The following CEP192 variants were observed in gnomAD, a reference collection of about 807,000 sequenced individuals.
The protein encoded by CEP192 is centrosomal protein of 192 kDa.
Under a neutral mutation model 271.8 loss-of-function variants are expected in CEP192, and 151 were observed. The observed-to-expected ratio is 0.56, with a 90% CI of 0.49 to 0.64. The LOEUF is 0.64. Among genes scored for constraint, CEP192 ranks in the 30% least tolerant of loss-of-function variants. The pLI is 0.00. For missense variants in CEP192, 2,910 were observed against 3,020.5 expected, an observed-to-expected ratio of 0.96 and a Z score of 0.86; for synonymous variants, 995 against 1,076.5, an observed-to-expected ratio of 0.92 and a Z score of 1.48.
intron 11 of CEP192, among the ~76,000 whole-genome samples, chr18:13,033,009 G>A (rs1227921260): frequency 6.6e-6 from 1 of 152,224 alleles, no homozygotes; most frequent in Non-Finnish European, 1.5e-5. Context: ...CATGTGGATG[G>A]GCAGGTAGCA....
At chr18:13,035,393 G>T (rs2035862780) in intron 11 of CEP192, among the ~76,000 whole-genome samples, 1 of 152,152 alleles carries the variant, frequency 6.6e-6, no homozygotes, top group African/African-American at 2.4e-5. Flanking sequence ...GGAGGCAAAA[G>T]GCACCTCTTA....
intron 11 of CEP192, among the ~76,000 whole-genome samples, chr18:13,033,334 A>C (rs1180663281): frequency 6.6e-6 from 1 of 152,120 alleles, no homozygotes; most frequent in Non-Finnish European, 1.5e-5. Context: ...AAAAATGTTC[A>C]TTTTTAATCA....
chr18:13,046,055 A>C (rs983315337), intron 15 of CEP192, among the ~76,000 whole-genome samples: 12 of 152,172 alleles, frequency 7.9e-5, no homozygotes, highest in Admixed American at 5.9e-4. Flanking sequence ...ATTTATAAAG[A>C]AAAGAGGTTT....
At chr18:13,119,658 C>T (rs34665284) in intron 44 of CEP192, among the ~76,000 whole-genome samples, 3,048 of 152,260 alleles carry the variant, frequency 0.02, 53 homozygotes, top group Non-Finnish European at 0.027. Context: ...AGGAGAATCC[C>T]TTGAACCTGG....
chr18:13,054,001 A>G (rs1036813522), intron 18 of CEP192, among the ~76,000 whole-genome samples: 2 of 152,132 alleles, frequency 1.3e-5, no homozygotes, highest in Non-Finnish European at 2.9e-5. Context: ...TAATTAAAAC[A>G]AATTTTTTTA....
intron 21 of CEP192, among the ~76,000 whole-genome samples, chr18:13,061,018 C>T (rs1432777425): frequency 1.3e-5 from 2 of 152,188 alleles, no homozygotes; most frequent in Non-Finnish European, 2.9e-5. Flanking sequence ...CTGATTTCCT[C>T]CTAAAGTTAA....
chr18:13,000,898 A>G (rs2033602547), intron 2 of CEP192, among the ~76,000 whole-genome samples: 1 of 152,210 alleles, frequency 6.6e-6, no homozygotes, highest in Non-Finnish European at 1.5e-5. Flanking sequence ...GATTGCAGTG[A>G]CCTGAGATTG....
At chr18:13,080,237 AT>A (rs1429935977) in intron 30 of CEP192, among the ~76,000 whole-genome samples, 1 of 152,086 alleles carries the variant, frequency 6.6e-6, no homozygotes, top group Non-Finnish European at 1.5e-5. Flanking sequence ...CAGTGTGGCC[AT>A]TTTCACGATA....
At position 13,092,574 on chromosome 18, in the gene CEP192, G is replaced by C. The variant is rs759326230; in HGVS notation, c.6254+47G>C. The C allele has an allele frequency of 2.9e-6, 4 of 1,391,436 alleles. No individual in the cohort carries two copies. The African/African-American group carries it at 5.9e-5, about 21-fold the overall frequency. The allele number at this position is 1,391,436 out of a possible 1,614,324, so 86.2% of individuals were successfully genotyped here. A position where few individuals can be genotyped will look rare whatever the true frequency, so the allele number is the denominator to read the frequency against. On this transcript the variant is annotated intron_variant, in intron 34 of 44. Transcript: ENST00000506447. The stretch of plus-strand genomic sequence containing the variant: ...CTTTCACCAGATTTCAGGATGATTC[G>C]ATTCATAGCAAAGCTGATCTTTTTT...
intron 34 of CEP192, among the ~76,000 whole-genome samples, chr18:13,094,433 G>A (rs1054876663): frequency 6.6e-6 from 1 of 152,192 alleles, no homozygotes; most frequent in African/African-American, 2.4e-5. Flanking sequence ...TATTGGAGTG[G>A]ACTCTGGGTG....
At chr18:13,033,036 G>A in intron 11 of CEP192, among the ~76,000 whole-genome samples, 1 of 152,220 alleles carries the variant, frequency 6.6e-6, no homozygotes, top group East Asian at 1.9e-4. Flanking sequence ...GCAGGCTCGG[G>A]TGGTTTGGGT....
intron 40 of CEP192, among the ~76,000 whole-genome samples, chr18:13,107,179 A>G (rs565103316): frequency 7.9e-4 from 120 of 152,306 alleles, no homozygotes; most frequent in African/African-American, 2.7e-3. Flanking sequence ...AGGTCATACA[A>G]TCAGGTAGCA....
chr18:12,998,424 C>A (rs1264488795), intron 1 of CEP192, among the ~76,000 whole-genome samples: 1 of 152,194 alleles, frequency 6.6e-6, no homozygotes, highest in Non-Finnish European at 1.5e-5. Context: ...GGGTTTGAAT[C>A]TTACTAATTG....
intron 9 of CEP192, among the ~76,000 whole-genome samples, chr18:13,023,448 A>G (rs556552527): frequency 1.4e-4 from 21 of 147,878 alleles, no homozygotes; most frequent in Admixed American, 1.0e-3. Context: ...GGGAATTTTT[A>G]TCATGAATGG....
Position 13,048,858 on chromosome 18 carries a change from G to T in CEP192, c.2068-1G>T. On this transcript the variant is annotated splice_acceptor_variant, in intron 15 of 44. Coordinates refer to ENST00000506447, the MANE Select transcript of CEP192 (RefSeq NM_032142.4). LOFTEE classifies it high-confidence loss of function. Reference sequence around the variant, plus strand: ...CTGATGTTTAATTTTCTCACTTCTAGGACACTTTCTTCATGAGCAACAAAC... The same window carrying T: ...CTGATGTTTAATTTTCTCACTTCTATGACACTTTCTTCATGAGCAACAAAC... The T allele has an allele frequency of 6.3e-7, 1 of 1,585,036 alleles. No individual in the cohort carries two copies. Among genetic ancestry groups the T allele is most frequent in the South Asian group, 1.1e-5 (1 of 87,964 alleles).
rs193078521 is a variant in CEP192 at position 13,020,102 on chromosome 18, C to T, written c.1050+896C>T. Reference sequence around the variant, plus strand: ...CTGGGATTACAGGAGTGAGCCACCACACCCAGCTACTATCTTAATCATTTT... The same window carrying T: ...CTGGGATTACAGGAGTGAGCCACCATACCCAGCTACTATCTTAATCATTTT... On this transcript the variant is annotated intron_variant, in intron 9 of 44. Transcript: ENST00000506447. Among the ~76,000 whole-genome samples, 104 of 152,300 alleles carry T rather than the reference C, an allele frequency of 6.8e-4. 2 individuals are homozygous for T. Among genetic ancestry groups the T allele is most frequent in the African/African-American group, 2.0e-3 (83 of 41,560 alleles).
chr18:13,103,813 C>T lies in CEP192; in HGVS notation c.6951+225C>T. 4 of 601,684 alleles carry T rather than the reference C, an allele frequency of 6.6e-6. No individual in the cohort carries two copies. In the Middle Eastern group the frequency reaches 8.9e-4, roughly 133 times the overall value. 37.3% of individuals were successfully genotyped at this position (601,684 alleles called of 1,614,324 possible). ...TCAAGCAATCCCCTGCCTTAGCCTC[C>T]CATGTGGCTGGGACCACAGGTGTGC... On this transcript the variant is annotated intron_variant, in intron 39 of 44. Transcript: ENST00000506447.
At chr18:13,110,098 C>T (rs918128767) in intron 40 of CEP192, among the ~76,000 whole-genome samples, 2 of 152,092 alleles carry the variant, frequency 1.3e-5, no homozygotes, top group Non-Finnish European at 2.9e-5. Context: ...AATCTAAGCC[C>T]ACTTTATTCT....
Position 13,059,196 on chromosome 18 carries a change from T to G in CEP192, c.4372T>G (p.Cys1458Gly). The G allele has an allele frequency of 6.2e-7, 1 of 1,614,156 alleles. No individual in the cohort carries two copies. The highest frequency in any genetic ancestry group is 1.6e-4 in the Middle Eastern group (1 of 6,062). Residue 1458 changes from cysteine to glycine, a missense_variant, in exon 21 of 45, where the codon TGC (cysteine) becomes GGC (glycine). By Grantham distance (159) the Cys-to-Gly change is radical. Coordinates refer to ENST00000506447, the MANE Select transcript of CEP192 (RefSeq NM_032142.4). ...ACCATCCAGTCCTGGGGTTTTCAGA[T>G]GCACATTCAGTGTTGCTTCTTGGCC... Reference protein sequence around the residue: ...FIPSSPGVFRCTFSVASWPCS... With the variant: ...FIPSSPGVFRGTFSVASWPCS...
Sources: allele counts gnomAD v4.1 joint callset (sites outside exome capture counted in the v4.1 genomes callset), GRCh38; gene constraint gnomAD v4.1.1; transcripts MANE v1.5; gene names NCBI Gene and HGNC (gene_info 2026-07-23, HGNC 2026-07-21).